PTPRN2: variants seen among roughly 807,000 people sequenced by gnomAD.
PTPRN2 encodes the protein receptor-type tyrosine-protein phosphatase N2.
PTPRN2 carries 74 observed loss-of-function variants against 118.8 expected under a neutral mutation model. The observed-to-expected ratio is 0.62, with a 90% CI of 0.52 to 0.76. PTPRN2 has a LOEUF of 0.76. Among genes scored for constraint, PTPRN2 ranks in the 30% least tolerant of loss-of-function variants. PTPRN2 has a pLI of 0.00. For synonymous variants in PTPRN2, 641 were observed against 608.0 expected (o/e 1.05, Z -0.80); for missense variants, 1,481 against 1,394.4 (o/e 1.06, Z -0.99).
intron 1 of PTPRN2, among the ~76,000 whole-genome samples, chr7:158,506,524 A>T (rs1822759088): frequency 6.6e-6 from 1 of 151,966 alleles, no homozygotes. Context: ...CACCTACTGC[A>T]TCTAATACCC....
chr7:158,166,361 A>C (rs55646019), intron 6 of PTPRN2, among the ~76,000 whole-genome samples: 186 of 10,374 alleles, frequency 0.018, 12 homozygotes, highest in Non-Finnish European at 0.021. Flanking sequence ...TCCTCCTCCC[A>C]CTGGCCGCCG....
At chr7:157,675,205 C>G (rs1023414407) in intron 13 of PTPRN2, among the ~76,000 whole-genome samples, 22 of 152,306 alleles carry the variant, frequency 1.4e-4, no homozygotes, top group African/African-American at 5.3e-4. Context: ...CTTCGGAGAG[C>G]CTGCCTCCCG....
Position 157,635,164 on chromosome 7 carries a change from C to T in PTPRN2, c.2197-13655G>A, listed in dbSNP as rs139896527. On this transcript the variant is annotated intron_variant, in intron 14 of 22. Coordinates refer to ENST00000389418, the MANE Select transcript of PTPRN2 (RefSeq NM_002847.5). ...GACAAAGATGTAAATGGCAGGTGTG[C>T]GTTAGGCACTCCCCATAAGCTAACT... Among the ~76,000 whole-genome samples, 110 of 152,346 alleles carry T rather than the reference C, an allele frequency of 7.2e-4. 1 individual carries two copies. In the East Asian group the frequency reaches 0.02, roughly 27 times the overall value.
chr7:158,169,894 G>A (rs1315560798), intron 5 of PTPRN2, among the ~76,000 whole-genome samples: 1 of 151,624 alleles, frequency 6.6e-6, no homozygotes, highest in East Asian at 2.0e-4. Context: ...GTTTCGCCAT[G>A]TTGGCCAGGC....
Position 158,270,769 on chromosome 7 carries a change from CG to C in PTPRN2, c.277+46049del, listed in dbSNP as rs796443594. Among the ~76,000 whole-genome samples the C allele has an allele frequency of 6.9e-3, 940 of 135,970 alleles. 28 individuals carry two copies. Among genetic ancestry groups the C allele is most frequent in the Admixed American group, 0.016 (230 of 13,984 alleles). 89.2% of individuals were successfully genotyped at this position (135,970 alleles called of 152,430 possible). On this transcript the variant is annotated intron_variant, in intron 3 of 22. Transcript: ENST00000389418. ...GCCGTCTTCTCCACCTGGACCACCC[CG>C]TCCACCTGGACCACCCCTCCACCTG...
At chr7:157,741,638 C>T (rs1001592759) in intron 12 of PTPRN2, among the ~76,000 whole-genome samples, 2 of 152,186 alleles carry the variant, frequency 1.3e-5, no homozygotes, top group East Asian at 3.9e-4. Flanking sequence ...CAGTGGCTCT[C>T]CTCCCTCTGG....
intron 3 of PTPRN2, among the ~76,000 whole-genome samples, chr7:158,282,613 G>C (rs901112277): frequency 6.6e-5 from 10 of 152,230 alleles, no homozygotes; most frequent in Admixed American, 5.9e-4. Context: ...CAGCAGGACA[G>C]ACGGCTGATC....
At chr7:157,561,029 G>A (rs1799160992) in intron 21 of PTPRN2, among the ~76,000 whole-genome samples, 1 of 152,178 alleles carries the variant, frequency 6.6e-6, no homozygotes, top group African/African-American at 2.4e-5. Context: ...CCGTGGCTGA[G>A]CTGGCCTGTT....
chr7:157,568,847 T>G (rs1799617609), intron 21 of PTPRN2, 55 bp downstream of exon 21: 2 of 1,511,658 alleles, frequency 1.3e-6, no homozygotes, highest in Non-Finnish European at 1.8e-6. Context: ...TACGTTGCCA[T>G]AGCGACGCCA....
intron 9 of PTPRN2, among the ~76,000 whole-genome samples, chr7:158,131,544 T>C (rs1818293150): frequency 7.9e-6 from 1 of 127,276 alleles, no homozygotes; most frequent in African/African-American, 3.3e-5. Flanking sequence ...CACACACGGG[T>C]ACATACAAAC....
chr7:158,335,476 A>C (rs1410821672), intron 2 of PTPRN2, among the ~76,000 whole-genome samples: 12 of 43,622 alleles, frequency 2.8e-4, no homozygotes, highest in East Asian at 6.7e-4. Context: ...CTGTCACCAT[A>C]AGAGCTGATG....
chr7:158,036,496 C>T (rs1393209600), intron 11 of PTPRN2, among the ~76,000 whole-genome samples: 1 of 152,082 alleles, frequency 6.6e-6, no homozygotes, highest in African/African-American at 2.4e-5. Flanking sequence ...CACTGAAAAA[C>T]AGTAACACAA....
chr7:157,922,538 C>T (rs1032504526), intron 11 of PTPRN2, among the ~76,000 whole-genome samples: 1 of 152,156 alleles, frequency 6.6e-6, no homozygotes, highest in Non-Finnish European at 1.5e-5. Context: ...AGCAAACTTA[C>T]CACTGCTAAG....
chr7:157,736,917 C>A (rs531742208), intron 12 of PTPRN2, among the ~76,000 whole-genome samples: 1 of 152,156 alleles, frequency 6.6e-6, no homozygotes, highest in Admixed American at 6.5e-5. Flanking sequence ...ATGAAAAGCT[C>A]CTCTCCGTCC....
At chr7:157,580,486 C>T (rs1800292595) in intron 17 of PTPRN2, among the ~76,000 whole-genome samples, 1 of 149,536 alleles carries the variant, frequency 6.7e-6, no homozygotes, top group African/African-American at 2.5e-5. Flanking sequence ...CACCTGCACA[C>T]CACAGCACCT....
intron 12 of PTPRN2, among the ~76,000 whole-genome samples, chr7:157,720,809 C>A (rs1799191679): frequency 6.6e-6 from 1 of 152,254 alleles, no homozygotes; most frequent in East Asian, 1.9e-4. Context: ...CCGAGACCCT[C>A]ATTTCCAGTC....
At position 158,153,542 on chromosome 7, in the gene PTPRN2, G is replaced by A. The variant is rs367686452; in HGVS notation, c.910+13389C>T. Among the ~76,000 whole-genome samples the A allele has an allele frequency of 2.2e-4, 33 of 152,246 alleles. No individual in the cohort carries two copies. In the South Asian group the frequency reaches 4.6e-3, roughly 21 times the overall value. On this transcript the variant is annotated intron_variant, in intron 6 of 22. Transcript: ENST00000389418. Reference sequence around the variant, plus strand: ...CAGCTCCCCTAGAGGTTTGAGCAGCGGGGCACTGAAGAAGCGAGCCACTCC... The same window carrying A: ...CAGCTCCCCTAGAGGTTTGAGCAGCAGGGCACTGAAGAAGCGAGCCACTCC...
intron 12 of PTPRN2, among the ~76,000 whole-genome samples, chr7:157,773,753 C>T (rs534978573): frequency 2.0e-5 from 3 of 152,194 alleles, no homozygotes; most frequent in Non-Finnish European, 4.4e-5. Context: ...GAACCTCAGC[C>T]CCCAGGTCCT....
At chr7:158,152,992 C>A (rs571134518) in intron 6 of PTPRN2, among the ~76,000 whole-genome samples, 18 of 139,456 alleles carry the variant, frequency 1.3e-4, no homozygotes, top group Admixed American at 2.9e-4. Context: ...AAGAGCAGAC[C>A]GACAGACACC....
Sources: gnomAD v4.1 joint callset for allele counts (sites outside exome capture counted in the v4.1 genomes callset) on GRCh38, gnomAD v4.1.1 for gene constraint, MANE v1.5 for transcripts, NCBI Gene and HGNC (gene_info 2026-07-23, HGNC 2026-07-21) for gene names.